Variants in DNAJB1 observed in about 807,000 individuals in gnomAD.
DNAJB1 encodes the protein dnaJ homolog subfamily B member 1.
A neutral mutation model predicts 24.0 loss-of-function variants in DNAJB1; 14 were observed. The ratio of observed to expected loss-of-function variants is 0.58; its 90% CI spans 0.39 to 0.91. The LOEUF is 0.91. Ranked by LOEUF, DNAJB1 falls within the 40% of genes least tolerant of loss-of-function variation. The pLI is 0.00. For synonymous variants in DNAJB1, 262 were observed against 174.4 expected, an observed-to-expected ratio of 1.50 and a Z score of -3.96; for missense variants, 517 against 458.1, an observed-to-expected ratio of 1.13 and a Z score of -1.17.
chr19:14,522,917 G>GAT (rs1417467217), upstream of DNAJB1, among the ~76,000 whole-genome samples: 5 of 152,010 alleles, frequency 3.3e-5, no homozygotes, highest in Non-Finnish European at 7.4e-5. Context: ...ATAAATTGGA[G>GAT]ATAAGAGTAG....
rs201310494 is a variant in DNAJB1, at chr19:14,518,109, G to A, written c.211+30C>T. On this transcript the variant is annotated intron_variant, in intron 1 of 2. Transcript: ENST00000254322. ...TCAGTTTCCCTGTCTGTCAAAAGGC[G>A]GGGCCGCGCCCCTGGCCGCGAGCAC... 19 of 1,445,790 alleles carry A rather than the reference G, an allele frequency of 1.3e-5. No individual in the cohort carries two copies. The Middle Eastern group carries it at 5.6e-4, about 42-fold the overall frequency. 89.6% of individuals were successfully genotyped at this position (1,445,790 alleles called of 1,614,324 possible).
At chr19:14,553,868 A>G (rs757891860), upstream of DNAJB1, among the ~76,000 whole-genome samples, 5 of 152,158 alleles carry the variant, frequency 3.3e-5, no homozygotes, top group Admixed American at 6.5e-5. Flanking sequence ...GGCCAGCTGC[A>G]GGACCTGTCA....
upstream of DNAJB1, among the ~76,000 whole-genome samples, chr19:14,553,660 A>T (rs1200934671): frequency 2.0e-5 from 3 of 152,082 alleles, no homozygotes; most frequent in Non-Finnish European, 1.5e-5. Flanking sequence ...TGAGCCGCTG[A>T]GCCGGAGTCC....
At chr19:14,516,431 G>T (rs776016459) in intron 2 of DNAJB1, 35 bp downstream of exon 2, 1 of 1,575,152 alleles carries the variant, frequency 6.3e-7, no homozygotes, top group Non-Finnish European at 8.7e-7. Context: ...AGCAGCCATC[G>T]CCCTCTACAG....
At chr19:14,517,568 A>G (rs2072293171) in intron 1 of DNAJB1, 1 of 154,438 alleles carries the variant, frequency 6.5e-6, no homozygotes. Context: ...GGGCACAGGA[A>G]CAAAAAGCCC....
chr19:14,547,059 A>G (rs2073332520), intron 1 of DNAJB1, among the ~76,000 whole-genome samples: 1 of 152,208 alleles, frequency 6.6e-6, no homozygotes, highest in Non-Finnish European at 1.5e-5. Context: ...AGTCATAAAC[A>G]TGTATTATAA....
In DNAJB1 at chr19:14,559,936, G is replaced by A. The variant is rs760528057; in HGVS notation, c.-2166+95C>T. Among the ~76,000 whole-genome samples the A allele has an allele frequency of 4.6e-5, 7 of 152,162 alleles. No homozygotes were observed. In the East Asian group the frequency reaches 7.7e-4, roughly 17 times the overall value. ...GGCAGGAAATGGGAGACGGACGGCC[G>A]TCCCACTGAGGACTCATCCTGCCCA... On this transcript the variant is annotated intron_variant, in intron 1 of 5. Transcript: ENST00000679223.
Position 14,546,418 on chromosome 19 carries a change from T to G in DNAJB1, c.-214+3790A>C, listed in dbSNP as rs112846125. ...CCTGGTCAACATGCTGAAACCCCTC[T>G]TCTACTAAAAATACAAAAATTAACC... On this transcript the variant is annotated intron_variant, in intron 1 of 3. Coordinates refer to the DNAJB1 transcript ENST00000676982. Among the ~76,000 whole-genome samples the G allele has an allele frequency of 3.8e-3, 577 of 152,170 alleles. 7 individuals carry two copies. The highest frequency in any genetic ancestry group is 0.012 in the African/African-American group (504 of 41,522).
upstream of DNAJB1, among the ~76,000 whole-genome samples, chr19:14,522,698 ACACACAC>A (rs1252276053): frequency 3.3e-5 from 5 of 150,164 alleles, no homozygotes; most frequent in African/African-American, 7.3e-5. Context: ...ACACACACAC[ACACACAC>A]ACACACACAC....
At chr19:14,558,341 G>A (rs1219125969) in intron 1 of DNAJB1, among the ~76,000 whole-genome samples, 1 of 152,170 alleles carries the variant, frequency 6.6e-6, no homozygotes, top group Non-Finnish European at 1.5e-5. Context: ...CACAAAGACA[G>A]TGAAGACGGG....
At position 14,517,149 on chromosome 19, in the gene DNAJB1, T is replaced by C. The variant is rs550786453; in HGVS notation, c.212-103A>G. 2,061 of 1,271,418 alleles carry C rather than the reference T, an allele frequency of 1.6e-3. 44 individuals are homozygous for C. In the South Asian group the frequency reaches 0.028, roughly 17 times the overall value. The allele number at this position is 1,271,418 out of a possible 1,614,324, so 78.8% of individuals were successfully genotyped here. On this transcript the variant is annotated intron_variant, in intron 1 of 2. Transcript: ENST00000254322. ...CTTGGAAGCCATGGGGGAGGAACTTTTTTGTCTGTCAGGGGAGAGCAAGGA... is the reference window on the plus strand; with the variant it reads ...CTTGGAAGCCATGGGGGAGGAACTTCTTTGTCTGTCAGGGGAGAGCAAGGA...
upstream of DNAJB1, among the ~76,000 whole-genome samples, chr19:14,554,139 C>T (rs2073637705): frequency 6.6e-6 from 1 of 152,142 alleles, no homozygotes; most frequent in African/African-American, 2.4e-5. Flanking sequence ...CTTCTGGGCT[C>T]TGGGATTTAC....
At chr19:14,554,048 GCAC>G (rs1243471056), upstream of DNAJB1, among the ~76,000 whole-genome samples, 10 of 152,198 alleles carry the variant, frequency 6.6e-5, no homozygotes, top group African/African-American at 2.4e-4. Flanking sequence ...GGGCTGTGCG[GCAC>G]CACATCAGCT....
At chr19:14,518,405 A>C (rs2072317511), upstream of DNAJB1, 50 of 1,496,364 alleles carry the variant, frequency 3.3e-5, no homozygotes, top group Non-Finnish European at 3.9e-5. Context: ...TCCGCCGCCG[A>C]CCAGTCCCGG....
chr19:14,550,685 G>A (rs2073468478), upstream of DNAJB1, among the ~76,000 whole-genome samples: 1 of 151,442 alleles, frequency 6.6e-6, no homozygotes, highest in African/African-American at 2.4e-5. Flanking sequence ...CAGTTTTTTG[G>A]TTTGTTTGTT....
At chr19:14,533,853 C>T (rs560745471), upstream of DNAJB1, 116 of 152,268 alleles carry the variant, frequency 7.6e-4, no homozygotes, top group African/African-American at 2.7e-3. Context: ...AGAGCTAGGT[C>T]GGTAAGCGAA....
rs770952866 is a variant in DNAJB1, at chr19:14,516,133, T to C, written c.830A>G (p.Asp277Gly). 6.2e-7 allele frequency: 1 copy of C among 1,613,244 alleles called. No individual in the cohort carries two copies. Among genetic ancestry groups the C allele is most frequent in the Non-Finnish European group, 8.5e-7 (1 of 1,179,872 alleles). ...GAATACGACGGGTATCGTCCTGCCG[T>C]CCAGAGTGGGGACGTTCACTGTGCA... ...CGCTVNVPTL[D>G]GRTIPVVFKD... is the part of the protein sequence containing the mutation. Residue 277 changes from aspartate to glycine, a missense_variant, in exon 3 of 3, where the codon GAC (aspartate) becomes GGC (glycine). Transcript: ENST00000254322.
chr19:14,543,462 G>C (rs1455254987), intron 1 of DNAJB1, among the ~76,000 whole-genome samples: 1 of 63,132 alleles, frequency 1.6e-5, no homozygotes, highest in Non-Finnish European at 3.0e-5. Context: ...TTTTTGAGAC[G>C]GAGTCTCGCT....
intron 1 of DNAJB1, among the ~76,000 whole-genome samples, chr19:14,556,612 CA>C (rs1327652455): frequency 6.6e-6 from 1 of 152,054 alleles, no homozygotes; most frequent in Non-Finnish European, 1.5e-5. Context: ...GGAACTGGAA[CA>C]GTGCCTGGGG....
Sources: allele counts gnomAD v4.1 joint callset (sites outside exome capture counted in the v4.1 genomes callset), GRCh38; gene constraint gnomAD v4.1.1; transcripts MANE v1.5; gene names NCBI Gene and HGNC (gene_info 2026-07-23, HGNC 2026-07-21).